Variants in FBXO4 observed in about 807,000 individuals in gnomAD.
FBXO4 encodes the protein F-box only protein 4.
In FBXO4, 36 loss-of-function variants were observed where a neutral mutation model predicts 43.7. The ratio of observed to expected loss-of-function variants is 0.82; its 90% CI spans 0.63 to 1.09. The LOEUF (loss-of-function observed/expected upper bound fraction) is 1.09, where lower values mean the gene tolerates loss of function less well. FBXO4 is among the 50% of genes least tolerant of loss of function. FBXO4 has a pLI of 0.00. For synonymous variants in FBXO4, 180 were observed against 165.6 expected (o/e 1.09, Z -0.67); for missense variants, 435 against 474.1 (o/e 0.92, Z 0.77).
chr5:41,954,386 G>A, the FBXO4 span, among the ~76,000 whole-genome samples: 3 of 152,116 alleles, frequency 2.0e-5, no homozygotes, highest in African/African-American at 7.2e-5. Flanking sequence ...GGAATGTTAT[G>A]CAATTCTCCT....
At chr5:41,951,028 C>T in the FBXO4 span, among the ~76,000 whole-genome samples, 1 of 152,072 alleles carries the variant, frequency 6.6e-6, no homozygotes, top group Admixed American at 6.5e-5. Flanking sequence ...CACATGGACA[C>T]AGGGAGGTGA....
chr5:41,939,506 G>A lies in FBXO4; in HGVS notation c.964G>A (p.Gly322Arg). The change falls in exon 6 of 7, where the codon GGA (glycine) becomes AGA (arginine). Residue 322 changes from glycine to arginine, a missense_variant. Physicochemically the swap from Gly to Arg is moderately radical, Grantham distance 125 (BLOSUM62 -2). Coordinates refer to ENST00000281623, the MANE Select transcript of FBXO4 (RefSeq NM_012176.3). ...AMTDPAFGSSGRPLLVLSCIS... is the reference protein window; with the variant it reads ...AMTDPAFGSSRRPLLVLSCIS... ...GACAGATCCAGCCTTTGGGTCTTCG[G>A]GAAGACCATTGTTGGTTTTATCTTG... 6.2e-7 allele frequency: 1 copy of A among 1,613,474 alleles called. No individual in the cohort carries two copies. The highest frequency in any genetic ancestry group is 8.5e-7 in the Non-Finnish European group (1 of 1,179,516).
At chr5:42,010,314 A>G in the FBXO4 span, among the ~76,000 whole-genome samples, 1 of 152,042 alleles carries the variant, frequency 6.6e-6, no homozygotes. Flanking sequence ...CCTGGTCAAG[A>G]TGGTGAAACC....
At chr5:41,998,301 G>A in the FBXO4 span, among the ~76,000 whole-genome samples, 258 of 152,286 alleles carry the variant, frequency 1.7e-3, no homozygotes, top group Non-Finnish European at 2.6e-3. Flanking sequence ...AATTACAGGC[G>A]CCTTCAAAGA....
the FBXO4 span, among the ~76,000 whole-genome samples, chr5:42,002,286 G>A: frequency 6.6e-6 from 1 of 152,174 alleles, no homozygotes; most frequent in East Asian, 1.9e-4. Flanking sequence ...CACACAAAAA[G>A]AGTTATAGTA....
downstream of FBXO4, among the ~76,000 whole-genome samples, chr5:41,943,110 A>G (rs996418342): frequency 4.6e-5 from 7 of 152,130 alleles, no homozygotes; most frequent in African/African-American, 9.6e-5. Flanking sequence ...AAAGAATTCT[A>G]TTATAATTCA....
chr5:42,013,187 C>T, the FBXO4 span, among the ~76,000 whole-genome samples: 2 of 151,984 alleles, frequency 1.3e-5, no homozygotes, highest in Non-Finnish European at 2.9e-5. Flanking sequence ...ACCTGTGGTC[C>T]CAGCTACTAG....
intron 1 of FBXO4, among the ~76,000 whole-genome samples, chr5:41,926,359 G>T (rs991994542): frequency 6.6e-6 from 1 of 152,144 alleles, no homozygotes; most frequent in African/African-American, 2.4e-5. Context: ...GGATCACGAG[G>T]TCAGGAGATC....
the FBXO4 span, among the ~76,000 whole-genome samples, chr5:42,021,041 G>T: frequency 6.6e-6 from 1 of 152,128 alleles, no homozygotes; most frequent in Admixed American, 6.6e-5. Context: ...GCAAGAATCA[G>T]ATCACACAGG....
the FBXO4 span, among the ~76,000 whole-genome samples, chr5:42,033,287 C>G: frequency 6.6e-6 from 1 of 152,138 alleles, no homozygotes; most frequent in Non-Finnish European, 1.5e-5. Context: ...CAGTTCAACA[C>G]TAGGAGTCAC....
chr5:42,027,565 T>C, the FBXO4 span, among the ~76,000 whole-genome samples: 1 of 151,982 alleles, frequency 6.6e-6, no homozygotes, highest in South Asian at 2.1e-4. Flanking sequence ...TTATTCTTTA[T>C]TATTTTCTTC....
the FBXO4 span, among the ~76,000 whole-genome samples, chr5:41,996,286 C>G: frequency 6.6e-6 from 1 of 152,184 alleles, no homozygotes; most frequent in Non-Finnish European, 1.5e-5. Flanking sequence ...CAGTTCATGA[C>G]AGGCAGTTCA....
At chr5:42,003,753 G>A in the FBXO4 span, among the ~76,000 whole-genome samples, 1 of 144,312 alleles carries the variant, frequency 6.9e-6, no homozygotes, top group South Asian at 2.1e-4. Flanking sequence ...CCACCTATGA[G>A]TGAGAACATG....
At chr5:41,939,648 T>A in intron 6 of FBXO4, 32 bp downstream of exon 6, 1 of 1,524,882 alleles carries the variant, frequency 6.6e-7, no homozygotes, top group Admixed American at 2.0e-5. Context: ...TGACAAAAAT[T>A]TTATTTTGCA....
the FBXO4 span, among the ~76,000 whole-genome samples, chr5:42,033,118 C>T: frequency 6.6e-6 from 1 of 152,124 alleles, no homozygotes. Context: ...CCACTGTTCC[C>T]TCTCCTCTAC....
At chr5:41,997,948 A>G in the FBXO4 span, among the ~76,000 whole-genome samples, 1 of 152,160 alleles carries the variant, frequency 6.6e-6, no homozygotes, top group South Asian at 2.1e-4. Flanking sequence ...TTGAGGGGCC[A>G]TGATTCTTTG....
At chr5:41,940,475 T>C (rs1751977305) in intron 6 of FBXO4, among the ~76,000 whole-genome samples, 1 of 152,056 alleles carries the variant, frequency 6.6e-6, no homozygotes, top group Non-Finnish European at 1.5e-5. Flanking sequence ...TTGGCCAGGC[T>C]GGTCCCGGAT....
the FBXO4 span, among the ~76,000 whole-genome samples, chr5:41,977,121 C>G: frequency 6.6e-6 from 1 of 152,242 alleles, no homozygotes; most frequent in South Asian, 2.1e-4. Context: ...CCCCCCAAAC[C>G]ATTCTTTCCT....
chr5:42,023,983 T>C, the FBXO4 span, among the ~76,000 whole-genome samples: 1 of 152,042 alleles, frequency 6.6e-6, no homozygotes, highest in Non-Finnish European at 1.5e-5. Context: ...TATATATACA[T>C]GCACCCTTTG....
Sources: gnomAD v4.1 joint callset for allele counts (sites outside exome capture counted in the v4.1 genomes callset) on GRCh38, gnomAD v4.1.1 for gene constraint, MANE v1.5 for transcripts, NCBI Gene and HGNC (gene_info 2026-07-23, HGNC 2026-07-21) for gene names.